GRM8: variants seen among roughly 807,000 people sequenced by gnomAD.
GRM8 encodes the protein glutamate metabotropic receptor 8, also known as metabotropic glutamate receptor 8.
Under a neutral mutation model 87.2 loss-of-function variants are expected in GRM8, and 47 were observed. The observed-to-expected ratio is 0.54, with a 90% CI of 0.43 to 0.69. The LOEUF (loss-of-function observed/expected upper bound fraction) is 0.69, where lower values mean the gene tolerates loss of function less well. Among genes scored for constraint, GRM8 ranks in the 30% least tolerant of loss-of-function variants. The pLI, the probability that GRM8 is intolerant of heterozygous loss-of-function variation, is 0.00. For missense variants in GRM8, 1,019 were observed against 1,139.2 expected, an observed-to-expected ratio of 0.89 and a Z score of 1.52; for synonymous variants, 396 against 404.5, an observed-to-expected ratio of 0.98 and a Z score of 0.25.
intron 9 of GRM8, among the ~76,000 whole-genome samples, chr7:126,456,691 C>T (rs1224987009): frequency 2.6e-5 from 4 of 151,136 alleles, no homozygotes; most frequent in Non-Finnish European, 3.0e-5. Flanking sequence ...ATAGACAAAT[C>T]CATAAAAACC....
chr7:127,236,135 C>T (rs1797968839), intron 2 of GRM8, among the ~76,000 whole-genome samples: 1 of 152,144 alleles, frequency 6.6e-6, no homozygotes, highest in Non-Finnish European at 1.5e-5. Flanking sequence ...CATCATCTCA[C>T]ATTTTTTTTG....
Position 126,469,602 on chromosome 7 carries a change from T to C in GRM8, c.2431-23230A>G, listed in dbSNP as rs140797688. Among the ~76,000 whole-genome samples, 1,389 of 152,238 alleles carry C rather than the reference T, an allele frequency of 9.1e-3. 25 individuals are homozygous for C. Among genetic ancestry groups the C allele is most frequent in the African/African-American group, 0.032 (1,336 of 41,570 alleles). The stretch of plus-strand genomic sequence containing the variant: ...GAGACCTGATGGTTTAATAAGGGGC[T>C]TCCCCTCACTCCTTTGCTCTGCACT... On this transcript the variant is annotated intron_variant, in intron 9 of 10. Transcript: ENST00000339582.
intron 7 of GRM8, among the ~76,000 whole-genome samples, chr7:126,675,474 T>C (rs1198542653): frequency 1.4e-4 from 21 of 152,160 alleles, no homozygotes; most frequent in Admixed American, 1.3e-3. Context: ...CTGATGAACA[T>C]AGATGCAAAA....
chr7:126,807,290 G>C (rs1238247107), intron 6 of GRM8, among the ~76,000 whole-genome samples: 1 of 151,776 alleles, frequency 6.6e-6, no homozygotes, highest in African/African-American at 2.4e-5. Context: ...AAAATATTGA[G>C]ACCAAAGGCT....
intron 3 of GRM8, among the ~76,000 whole-genome samples, chr7:126,912,014 G>A (rs190882896): frequency 2.6e-5 from 4 of 152,068 alleles, no homozygotes; most frequent in South Asian, 2.1e-4. Context: ...CTAACACAGC[G>A]AAACCCCGTC....
chr7:127,179,873 C>T (rs1003766153), intron 2 of GRM8, among the ~76,000 whole-genome samples: 1 of 152,000 alleles, frequency 6.6e-6, no homozygotes, highest in Non-Finnish European at 1.5e-5. Context: ...AAGTTCATAA[C>T]CCTAAGCACC....
rs144459373 is a variant in GRM8 at position 127,020,651 on chromosome 7, T to G, written c.727+85845A>C. ...CTAGGTGTGAATGGTATCATCATCT[T>G]GGCCAAGCTCAAAAATGCCCATTCA... On this transcript the variant is annotated intron_variant, in intron 3 of 10. Transcript: ENST00000339582. Among the ~76,000 whole-genome samples the G allele has an allele frequency of 9.2e-3, 1,405 of 152,202 alleles. 14 individuals are homozygous for G. The highest frequency in any genetic ancestry group is 0.014 in the Non-Finnish European group (960 of 67,962).
At chr7:126,876,859 T>C (rs550687441) in intron 6 of GRM8, among the ~76,000 whole-genome samples, 7 of 152,196 alleles carry the variant, frequency 4.6e-5, no homozygotes, top group Non-Finnish European at 7.4e-5. Flanking sequence ...CTCCACTTAC[T>C]TGGGAAATAT....
At chr7:126,878,212 T>C (rs929029709) in intron 6 of GRM8, among the ~76,000 whole-genome samples, 5 of 152,236 alleles carry the variant, frequency 3.3e-5, no homozygotes, top group Admixed American at 2.0e-4. Context: ...ATACTTTATA[T>C]GCTTATGGTC....
At chr7:127,011,242 C>A (rs1814862571) in intron 3 of GRM8, among the ~76,000 whole-genome samples, 1 of 152,052 alleles carries the variant, frequency 6.6e-6, no homozygotes, top group Admixed American at 6.6e-5. Flanking sequence ...TTCACATATT[C>A]TTTGTGAAAG....
At chr7:126,999,737 C>T (rs1813536484) in intron 3 of GRM8, among the ~76,000 whole-genome samples, 1 of 151,612 alleles carries the variant, frequency 6.6e-6, no homozygotes, top group African/African-American at 2.4e-5. Context: ...CAAGCAGTAA[C>T]AAATGCTGGA....
At chr7:127,028,021 G>A (rs1816966594) in intron 3 of GRM8, among the ~76,000 whole-genome samples, 1 of 152,140 alleles carries the variant, frequency 6.6e-6, no homozygotes, top group Admixed American at 6.6e-5. Context: ...CTAGTTTATT[G>A]AGAATTTTTA....
intron 2 of GRM8, among the ~76,000 whole-genome samples, chr7:127,144,401 G>T (rs1032515836): frequency 4.6e-5 from 7 of 152,030 alleles, no homozygotes; most frequent in African/African-American, 1.7e-4. Context: ...TGCTGTTTTG[G>T]GAAAGCACTA....
At chr7:127,105,039 A>G (rs1825681650) in intron 3 of GRM8, among the ~76,000 whole-genome samples, 1 of 152,202 alleles carries the variant, frequency 6.6e-6, no homozygotes, top group South Asian at 2.1e-4. Flanking sequence ...ATACTCTATT[A>G]GTTTTCTCCT....
intron 3 of GRM8, among the ~76,000 whole-genome samples, chr7:127,098,127 A>G (rs1292259375): frequency 6.6e-6 from 1 of 152,200 alleles, no homozygotes; most frequent in Non-Finnish European, 1.5e-5. Context: ...CCTCCTTTGA[A>G]GTTATTCTTG....
intron 2 of GRM8, among the ~76,000 whole-genome samples, chr7:127,186,165 G>T (rs1280069610): frequency 6.6e-6 from 1 of 152,018 alleles, no homozygotes; most frequent in Non-Finnish European, 1.5e-5. Context: ...AGATATCCAG[G>T]CAAGAAAAAC....
At chr7:126,626,011 A>G (rs1226050420) in intron 7 of GRM8, among the ~76,000 whole-genome samples, 1 of 152,108 alleles carries the variant, frequency 6.6e-6, no homozygotes, top group Non-Finnish European at 1.5e-5. Context: ...CTTTACATAT[A>G]AAAATGTGTA....
chr7:127,049,121 G>A (rs573477018), intron 3 of GRM8, among the ~76,000 whole-genome samples: 15 of 152,220 alleles, frequency 9.9e-5, no homozygotes, highest in African/African-American at 3.4e-4. Context: ...CCTGCTGACT[G>A]ATAGGTAGAT....
At chr7:126,845,270 T>G (rs1300152894) in intron 6 of GRM8, among the ~76,000 whole-genome samples, 1 of 152,242 alleles carries the variant, frequency 6.6e-6, no homozygotes, top group Non-Finnish European at 1.5e-5. Context: ...TTTGTGCTCA[T>G]GGAGAAAAAT....
Sources: allele counts gnomAD v4.1 joint callset (sites outside exome capture counted in the v4.1 genomes callset), GRCh38; gene constraint gnomAD v4.1.1; transcripts MANE v1.5; gene names NCBI Gene and HGNC (gene_info 2026-07-23, HGNC 2026-07-21).